DPP10: variants seen among roughly 807,000 people sequenced by gnomAD.
DPP10 encodes the protein inactive dipeptidyl peptidase 10.
Under a neutral mutation model 120.9 loss-of-function variants are expected in DPP10, and 33 were observed. The ratio of observed to expected loss-of-function variants is 0.27; its 90% CI spans 0.21 to 0.37. DPP10 has a LOEUF of 0.37. Among genes scored for constraint, DPP10 ranks in the 10% least tolerant of loss-of-function variants. The probability of loss-of-function intolerance (pLI) is 1.00; values close to 1 mark genes in which losing one functional copy is unlikely to be tolerated. For missense variants in DPP10, 816 were observed against 942.8 expected, an observed-to-expected ratio of 0.87 and a Z score of 1.76; for synonymous variants, 337 against 326.1, an observed-to-expected ratio of 1.03 and a Z score of -0.36.
chr2:115,669,566 T>TA (rs2089715333), intron 5 of DPP10, among the ~76,000 whole-genome samples: 1 of 152,140 alleles, frequency 6.6e-6, no homozygotes, highest in Admixed American at 6.6e-5. Flanking sequence ...TATCTTTATT[T>TA]ATTTTTCTTG....
intron 3 of DPP10, among the ~76,000 whole-genome samples, chr2:115,442,982 G>T (rs1383182280): frequency 6.6e-6 from 1 of 152,000 alleles, no homozygotes; most frequent in Admixed American, 6.5e-5. Context: ...CAATGATTGA[G>T]GCTATTGGTC....
chr2:115,714,236 A>T (rs1371301519), intron 7 of DPP10, among the ~76,000 whole-genome samples: 1 of 152,184 alleles, frequency 6.6e-6, no homozygotes, highest in Non-Finnish European at 1.5e-5. Context: ...TCAGTTTGAG[A>T]TATCCTTTTA....
intron 3 of DPP10, among the ~76,000 whole-genome samples, chr2:115,418,817 A>G (rs905228271): frequency 6.6e-6 from 1 of 152,142 alleles, no homozygotes; most frequent in East Asian, 1.9e-4. Flanking sequence ...AAAAAACTAA[A>G]AAGCATAAAC....
intron 7 of DPP10, among the ~76,000 whole-genome samples, chr2:115,700,653 C>T (rs1292546489): frequency 1.3e-5 from 2 of 151,880 alleles, no homozygotes; most frequent in East Asian, 3.9e-4. Flanking sequence ...TTTCCATTTA[C>T]AGATTATATA....
intron 3 of DPP10, among the ~76,000 whole-genome samples, chr2:115,452,211 G>T (rs963974280): frequency 1.3e-5 from 2 of 151,812 alleles, no homozygotes; most frequent in Non-Finnish European, 2.9e-5. Flanking sequence ...ACTTCTGTTG[G>T]CCTACTTTGC....
At chr2:115,749,170 C>A (rs1678391809) in intron 10 of DPP10, among the ~76,000 whole-genome samples, 2 of 152,036 alleles carry the variant, frequency 1.3e-5, no homozygotes, top group Non-Finnish European at 2.9e-5. Flanking sequence ...CACACAATAC[C>A]TTTATTAGAA....
intron 1 of DPP10, among the ~76,000 whole-genome samples, chr2:114,721,730 C>A (rs1701717480): frequency 1.3e-5 from 2 of 152,310 alleles, no homozygotes; most frequent in South Asian, 4.1e-4. Flanking sequence ...CTGCTAGATC[C>A]TTCACACTCA....
chr2:114,780,470 G>A (rs1412018910), intron 1 of DPP10, among the ~76,000 whole-genome samples: 1 of 151,970 alleles, frequency 6.6e-6, no homozygotes, highest in Non-Finnish European at 1.5e-5. Flanking sequence ...TAATTCTTTA[G>A]GGTACTGGAA....
chr2:115,052,419 A>C (rs976666980), intron 1 of DPP10, among the ~76,000 whole-genome samples: 1 of 152,208 alleles, frequency 6.6e-6, no homozygotes, highest in South Asian at 2.1e-4. Context: ...ACGTTTGCAA[A>C]TAATATATCT....
At chr2:115,811,974 G>T (rs1184812896) in intron 19 of DPP10, among the ~76,000 whole-genome samples, 2 of 152,138 alleles carry the variant, frequency 1.3e-5, no homozygotes, top group South Asian at 2.1e-4. Flanking sequence ...ATAAAAAACA[G>T]TTGTTATTGT....
intron 1 of DPP10, among the ~76,000 whole-genome samples, chr2:115,024,704 T>C (rs1052284034): frequency 1.3e-4 from 19 of 147,186 alleles, no homozygotes; most frequent in South Asian, 2.1e-4. Flanking sequence ...AATATATATA[T>C]ATTTGTTAAA....
intron 17 of DPP10, among the ~76,000 whole-genome samples, chr2:115,789,056 T>C (rs1312607739): frequency 6.6e-6 from 1 of 151,780 alleles, no homozygotes; most frequent in Non-Finnish European, 1.5e-5. Context: ...AGGCGGAGCT[T>C]GCAGTGAGCC....
At chr2:115,242,429 G>A (rs927597871) in intron 1 of DPP10, among the ~76,000 whole-genome samples, 7 of 151,972 alleles carry the variant, frequency 4.6e-5, no homozygotes, top group East Asian at 3.9e-4. Flanking sequence ...ATTTGGGCTC[G>A]TTCCATATTT....
At chr2:115,645,398 C>T (rs1222476247) in intron 5 of DPP10, among the ~76,000 whole-genome samples, 2 of 152,068 alleles carry the variant, frequency 1.3e-5, no homozygotes, top group African/African-American at 4.8e-5. Context: ...GAAGCTACAC[C>T]CTCTTTCAGA....
intron 3 of DPP10, among the ~76,000 whole-genome samples, chr2:115,363,718 C>T (rs2064922026): frequency 6.6e-6 from 1 of 152,164 alleles, no homozygotes; most frequent in South Asian, 2.1e-4. Context: ...GACTCCATCT[C>T]TTATTGAATA....
intron 1 of DPP10, among the ~76,000 whole-genome samples, chr2:114,669,421 C>T (rs1464625239): frequency 6.6e-6 from 1 of 152,082 alleles, no homozygotes; most frequent in African/African-American, 2.4e-5. Context: ...TAAGCTGTTG[C>T]ACTTAATGGG....
At chr2:114,952,222 C>T (rs1697845595) in intron 1 of DPP10, among the ~76,000 whole-genome samples, 1 of 151,732 alleles carries the variant, frequency 6.6e-6, no homozygotes, top group Admixed American at 6.6e-5. Context: ...TTTACAAATA[C>T]AAGTGCTTAT....
chr2:114,513,770 A>T (rs143247835), intron 1 of DPP10, among the ~76,000 whole-genome samples: 1 of 152,272 alleles, frequency 6.6e-6, no homozygotes, highest in African/African-American at 2.4e-5. Flanking sequence ...CCTTTTAGTT[A>T]GGTAAACGTA....
chr2:114,945,588 G>A (rs1697285488), intron 1 of DPP10, among the ~76,000 whole-genome samples: 2 of 152,166 alleles, frequency 1.3e-5, no homozygotes, highest in African/African-American at 4.8e-5. Context: ...GCCGAGGCGG[G>A]TGGATCACCT....
Sources: gnomAD v4.1 joint callset for allele counts (sites outside exome capture counted in the v4.1 genomes callset) on GRCh38, gnomAD v4.1.1 for gene constraint, MANE v1.5 for transcripts, NCBI Gene and HGNC (gene_info 2026-07-23, HGNC 2026-07-21) for gene names.